Variants in SIL1 observed in about 807,000 individuals in gnomAD.
SIL1 encodes nucleotide exchange factor SIL1.
SIL1 carries 40 observed loss-of-function variants against 49.1 expected under a neutral mutation model. That is an observed-to-expected ratio of 0.81 (90% CI 0.63 to 1.06). SIL1 has a LOEUF of 1.06. SIL1 is among the 50% of genes least tolerant of loss of function. The pLI, the probability that SIL1 is intolerant of heterozygous loss-of-function variation, is 0.00. For synonymous variants in SIL1, 253 were observed against 250.8 expected (o/e 1.01, Z -0.08); for missense variants, 500 against 572.6 (o/e 0.87, Z 1.29).
At chr5:139,090,379 T>C (rs887801949) in intron 3 of SIL1, among the ~76,000 whole-genome samples, 4 of 152,168 alleles carry the variant, frequency 2.6e-5, no homozygotes, top group Non-Finnish European at 5.9e-5. Context: ...TCAGTTCTCA[T>C]GTCTCCAACT....
intron 7 of SIL1, among the ~76,000 whole-genome samples, chr5:139,001,668 A>T (rs1767986006): frequency 6.6e-6 from 1 of 152,204 alleles, no homozygotes; most frequent in East Asian, 1.9e-4. Flanking sequence ...GCACTGTGGG[A>T]GGCCAAGGCG....
intron 3 of SIL1, among the ~76,000 whole-genome samples, chr5:139,096,889 G>A (rs1770478682): frequency 6.6e-6 from 1 of 151,956 alleles, no homozygotes; most frequent in Non-Finnish European, 1.5e-5. Flanking sequence ...AGGGCCCTGG[G>A]GTCCCAGATT....
At chr5:139,083,157 G>A (rs918113536) in intron 3 of SIL1, among the ~76,000 whole-genome samples, 6 of 152,182 alleles carry the variant, frequency 3.9e-5, no homozygotes, top group Non-Finnish European at 8.8e-5. Flanking sequence ...TGGAGGGGAA[G>A]GGGAATATAA....
chr5:139,164,116 C>CAAA lies in SIL1; in HGVS notation c.-11+34150_-11+34152dup, dbSNP rs397999400. Among the ~76,000 whole-genome samples the CAAA allele has an allele frequency of 2.9e-3, 334 of 114,610 alleles. 4 individuals carry two copies. The highest frequency in any genetic ancestry group is 0.025 in the Middle Eastern group (5 of 200). 75.2% of individuals were successfully genotyped at this position (114,610 alleles called of 152,430 possible). A position where few individuals can be genotyped will look rare whatever the true frequency, so the allele number is the denominator to read the frequency against. ...CCTGGGCAACAACAAGAGAATGTCTCAAAAAAAAAAAAAAAAAGATATTAT... is the reference window on the plus strand; with the variant it reads ...CCTGGGCAACAACAAGAGAATGTCTCAAAAAAAAAAAAAAAAAAAAGATATTAT... On this transcript the variant is annotated intron_variant, in intron 1 of 9. Coordinates refer to ENST00000394817, the MANE Select transcript of SIL1 (RefSeq NM_022464.5).
At chr5:138,975,176 T>C (rs1205171050) in intron 7 of SIL1, among the ~76,000 whole-genome samples, 1 of 152,162 alleles carries the variant, frequency 6.6e-6, no homozygotes, top group Non-Finnish European at 1.5e-5. Context: ...CTCCCTCCTC[T>C]GAAGGTTGGC....
intron 7 of SIL1, among the ~76,000 whole-genome samples, chr5:138,998,704 A>G (rs1444686293): frequency 6.6e-6 from 1 of 152,190 alleles, no homozygotes; most frequent in Non-Finnish European, 1.5e-5. Flanking sequence ...CTCACTTATC[A>G]CCAAGGAAGT....
chr5:139,139,975 CA>C (rs1176807532), intron 1 of SIL1, among the ~76,000 whole-genome samples: 1 of 151,324 alleles, frequency 6.6e-6, no homozygotes, highest in Non-Finnish European at 1.5e-5. Flanking sequence ...CTAAAAAATA[CA>C]AAAATTAGTT....
At chr5:139,182,673 G>A (rs1336102503) in intron 1 of SIL1, among the ~76,000 whole-genome samples, 1 of 152,200 alleles carries the variant, frequency 6.6e-6, no homozygotes, top group African/African-American at 2.4e-5. Flanking sequence ...AGGACAAAGT[G>A]GGAAGGAGAA....
At chr5:139,035,566 C>A (rs780333586) in intron 5 of SIL1, 33 of 477,376 alleles carry the variant, frequency 6.9e-5, no homozygotes, top group Non-Finnish European at 1.2e-4. Context: ...GGGGCCAGTG[C>A]CAGATACCAG....
intron 1 of SIL1, among the ~76,000 whole-genome samples, chr5:139,185,627 GAAAAGTAAGTCTCCCTCCTTCCC>G (rs1181874041): frequency 6.6e-6 from 1 of 152,222 alleles, no homozygotes; most frequent in East Asian, 1.9e-4. Context: ...GACATATAGT[GAAAAGTAAGTCTCCCTCCTTCCC>G]AATTCTCTAG....
intron 3 of SIL1, among the ~76,000 whole-genome samples, chr5:139,092,308 T>A (rs1481811363): frequency 6.6e-6 from 1 of 152,130 alleles, no homozygotes; most frequent in South Asian, 2.1e-4. Flanking sequence ...AGGAAAAAAA[T>A]TTTAACAAAA....
At chr5:139,017,881 T>C (rs1255362140) in intron 7 of SIL1, among the ~76,000 whole-genome samples, 1 of 152,102 alleles carries the variant, frequency 6.6e-6, no homozygotes, top group African/African-American at 2.4e-5. Context: ...CATTATGAGA[T>C]TAAATCAGGT....
chr5:138,992,729 G>A (rs140858451), intron 7 of SIL1, among the ~76,000 whole-genome samples: 3 of 151,970 alleles, frequency 2.0e-5, no homozygotes, highest in Admixed American at 2.0e-4. Flanking sequence ...AGGGTGGGAG[G>A]GGGTGAGGGA....
intron 3 of SIL1, among the ~76,000 whole-genome samples, chr5:139,057,232 G>C (rs1290891120): frequency 6.8e-6 from 1 of 147,088 alleles, no homozygotes. Flanking sequence ...TTGTTCACTT[G>C]TTTATCTGCT....
chr5:139,120,930 G>T, intron 3 of SIL1, 105 bp downstream of exon 3: 1 of 1,421,420 alleles, frequency 7.0e-7, no homozygotes, highest in Non-Finnish European at 9.8e-7. Context: ...TTTCCCTCCC[G>T]CAGGCCAGAG....
At chr5:138,958,009 C>G (rs1298674123) in intron 7 of SIL1, among the ~76,000 whole-genome samples, 1 of 152,046 alleles carries the variant, frequency 6.6e-6, no homozygotes, top group African/African-American at 2.4e-5. Context: ...TCCTCCCGCC[C>G]TGGCCTCCTA....
intron 7 of SIL1, among the ~76,000 whole-genome samples, chr5:138,957,628 A>G (rs913125233): frequency 6.6e-6 from 1 of 152,140 alleles, no homozygotes; most frequent in Non-Finnish European, 1.5e-5. Context: ...CTGCAAGAAT[A>G]GTAAATAAAC....
intron 1 of SIL1, among the ~76,000 whole-genome samples, chr5:139,195,133 T>G (rs1477256549): frequency 6.6e-6 from 1 of 151,926 alleles, no homozygotes; most frequent in Non-Finnish European, 1.5e-5. Flanking sequence ...GGTTTCTCCA[T>G]GTTGGTCAGG....
chr5:139,034,334 G>A (rs1010308528), intron 5 of SIL1: 1 of 151,782 alleles, frequency 6.6e-6, no homozygotes, highest in African/African-American at 2.4e-5. Context: ...ATGTTTTAAG[G>A]TAATATTTTT....
Sources: allele counts gnomAD v4.1 joint callset (sites outside exome capture counted in the v4.1 genomes callset), GRCh38; gene constraint gnomAD v4.1.1; transcripts MANE v1.5; gene names NCBI Gene and HGNC (gene_info 2026-07-23, HGNC 2026-07-21).